ZDHHC15: variants seen among roughly 807,000 people sequenced by gnomAD.
ZDHHC15 encodes the protein zDHHC palmitoyltransferase 15.
A neutral mutation model predicts 31.7 loss-of-function variants in ZDHHC15; 19 were observed. That is an observed-to-expected ratio of 0.60 (90% CI 0.42 to 0.88). ZDHHC15 has a LOEUF of 0.88. Ranked by LOEUF, ZDHHC15 falls within the 40% of genes least tolerant of loss-of-function variation. The pLI, the probability that ZDHHC15 is intolerant of heterozygous loss-of-function variation, is 0.00. For synonymous variants in ZDHHC15, 103 were observed against 90.0 expected (o/e 1.14, Z -0.82); for missense variants, 209 against 251.2 (o/e 0.83, Z 1.14).
intron 2 of ZDHHC15, among the ~76,000 whole-genome samples, chrX:75,481,026 G>T (rs979449664): frequency 2.7e-5 from 3 of 111,391 alleles, no homozygotes; most frequent in African/African-American, 9.8e-5. Flanking sequence ...TGTTTAGCTG[G>T]CTACCCCCTG....
chrX:75,432,897 T>G (rs187973198), intron 4 of ZDHHC15, among the ~76,000 whole-genome samples: 1 of 111,114 alleles, frequency 9.0e-6, no homozygotes, highest in South Asian at 3.9e-4. Flanking sequence ...GGCGGGAGGA[T>G]TGCTAGAGCC....
chrX:75,503,761 C>T (rs144855602), intron 2 of ZDHHC15, among the ~76,000 whole-genome samples: 4 of 111,468 alleles, frequency 3.6e-5, no homozygotes, highest in African/African-American at 1.3e-4. Flanking sequence ...TAAATGACCA[C>T]AAGCTGGGTG....
At chrX:75,487,404 T>G (rs1344567022) in intron 2 of ZDHHC15, among the ~76,000 whole-genome samples, 1 of 111,691 alleles carries the variant, frequency 9.0e-6, no homozygotes, top group African/African-American at 3.3e-5. Context: ...GTAGCCCCAC[T>G]GGGAGGCTAG....
chrX:75,456,665 G>A (rs1056273722), intron 3 of ZDHHC15, among the ~76,000 whole-genome samples: 5 of 110,940 alleles, frequency 4.5e-5, no homozygotes, highest in East Asian at 2.8e-4. Context: ...TCTAGAATCA[G>A]AAATATCATT....
chrX:75,422,001 GC>G lies in ZDHHC15; in HGVS notation c.737-12del, dbSNP rs772642531. 6.7e-6 allele frequency: 8 copies of G among 1,190,261 alleles called. No individual in the cohort carries two copies. The highest frequency in any genetic ancestry group is 9.0e-6 in the Non-Finnish European group (8 of 887,464). ...GAGTGCAGAAGGCCTCTAAGGCAGG[GC>G]AGGAGAGTTGAAGAAAAGAGGAAGA... is the stretch of plus-strand genomic sequence containing the variant. On this transcript the variant is annotated splice_polypyrimidine_tract_variant and intron_variant, in intron 8 of 11. Transcript: ENST00000373367.
At position 75,414,011 on chromosome X, in the gene ZDHHC15, G is replaced by T. The variant is rs6647726; in HGVS notation, c.967+3076C>A. Among the ~76,000 whole-genome samples, 72 of 111,737 alleles carry T rather than the reference G, an allele frequency of 6.4e-4. No individual in the cohort carries two copies. In the East Asian group the frequency reaches 0.017, roughly 26 times the overall value. ...GATCCCAATTTGAATAGAGCAGAAA[G>T]AATTATACTGTAATCTTTAATTTTC... On this transcript the variant is annotated intron_variant, in intron 10 of 11. Transcript: ENST00000373367.
intron 7 of ZDHHC15, among the ~76,000 whole-genome samples, chrX:75,426,140 G>T (rs1364965449): frequency 1.8e-5 from 2 of 112,529 alleles, no homozygotes; most frequent in African/African-American, 6.4e-5. Context: ...TTATAGAAAA[G>T]ATTCCATACA....
chrX:75,498,422 T>C (rs1361421010), intron 2 of ZDHHC15, among the ~76,000 whole-genome samples: 1 of 111,863 alleles, frequency 8.9e-6, no homozygotes, highest in Non-Finnish European at 1.9e-5. Context: ...GCTCCAGATC[T>C]GGTCAATGAA....
chrX:75,477,803 T>A (rs1258725789), intron 3 of ZDHHC15, among the ~76,000 whole-genome samples: 1 of 112,109 alleles, frequency 8.9e-6, no homozygotes, highest in East Asian at 2.8e-4. Flanking sequence ...CAATTTTTTA[T>A]CCATTCTGCC....
At chrX:75,446,326 C>A (rs1483998509) in intron 4 of ZDHHC15, among the ~76,000 whole-genome samples, 1 of 111,030 alleles carries the variant, frequency 9.0e-6, no homozygotes, top group African/African-American at 3.3e-5. Flanking sequence ...AAATGCTGGA[C>A]CTGCCTTGGT....
chrX:75,425,847 T>C (rs1407982535), intron 7 of ZDHHC15, among the ~76,000 whole-genome samples: 1 of 111,545 alleles, frequency 9.0e-6, no homozygotes, highest in Non-Finnish European at 1.9e-5. Flanking sequence ...ATAATATTTT[T>C]ATTCATTTTT....
Position 75,395,003 on chromosome X carries a change from T to C in ZDHHC15, c.968-15805A>G, listed in dbSNP as rs2083284810. On this transcript the variant is annotated intron_variant, in intron 10 of 11. Transcript: ENST00000373367. ...TAAAAAAATTTAACAAGTGAAATAATATCAAATCCCTTATATGACCACAGT... is the reference window on the plus strand; with the variant it reads ...TAAAAAAATTTAACAAGTGAAATAACATCAAATCCCTTATATGACCACAGT... 4.5e-5 allele frequency among the ~76,000 whole-genome samples: 5 copies of C among 112,347 alleles called. No individual in the cohort carries two copies. The South Asian group carries it at 1.8e-3, about 42-fold the overall frequency.
In ZDHHC15 at chrX:75,384,931, T is replaced by C. The variant is rs1602544715; in HGVS notation, c.968-5733A>G. On this transcript the variant is annotated intron_variant, in intron 10 of 11. Coordinates refer to ENST00000373367, the MANE Select transcript of ZDHHC15 (RefSeq NM_144969.3). ...CTTCCATCATTGGCACTATCTACTA[T>C]CGCCAATATGCATGGAAATACATAA... The C allele has an allele frequency of 1.1e-5, 5 of 449,198 alleles. No homozygotes were observed. The East Asian group carries it at 1.5e-4, about 14-fold the overall frequency. The allele number at this position is 449,198 out of a possible 1,213,427, so 37.0% of individuals were successfully genotyped here. A position where few individuals can be genotyped will look rare whatever the true frequency, so the allele number is the denominator to read the frequency against.
rs1026952604 is a variant in ZDHHC15 at position 75,373,679 on chromosome X, T to A, written c.*33-734A>T. Among the ~76,000 whole-genome samples, 11 of 111,155 alleles carry A rather than the reference T, an allele frequency of 9.9e-5. 1 individual carries two copies. Among genetic ancestry groups the A allele is most frequent in the East Asian group, 8.3e-4 (3 of 3,593 alleles). Reference sequence around the variant, plus strand: ...ATCTTATTAAATTTATTTTTATTTTTAATTTTTATGGGTACATAGTAGGTA... The same window carrying A: ...ATCTTATTAAATTTATTTTTATTTTAAATTTTTATGGGTACATAGTAGGTA... On this transcript the variant is annotated intron_variant, in intron 11 of 11. Coordinates refer to ENST00000373367, the MANE Select transcript of ZDHHC15 (RefSeq NM_144969.3).
At chrX:75,508,401 T>C (rs942023986) in intron 1 of ZDHHC15, among the ~76,000 whole-genome samples, 2 of 102,653 alleles carry the variant, frequency 1.9e-5, no homozygotes, top group East Asian at 6.5e-4. Context: ...CAGTGTTTGG[T>C]TTTTTTTGTC....
chrX:75,504,031 T>C (rs1347260182), intron 2 of ZDHHC15, among the ~76,000 whole-genome samples: 1 of 111,321 alleles, frequency 9.0e-6, no homozygotes, highest in Admixed American at 9.7e-5. Context: ...CATATAAGGA[T>C]ACCAATGACT....
intron 9 of ZDHHC15, among the ~76,000 whole-genome samples, chrX:75,418,822 A>C (rs1315416170): frequency 8.9e-6 from 1 of 112,495 alleles, no homozygotes; most frequent in Admixed American, 9.4e-5. Context: ...TGGATTAAAG[A>C]TTTAAATGTA....
At position 75,397,949 on chromosome X, in the gene ZDHHC15, A is replaced by G. The variant is rs775072968; in HGVS notation, c.968-18751T>C. Among the ~76,000 whole-genome samples the G allele has an allele frequency of 3.6e-5, 4 of 112,179 alleles. No homozygotes were observed. In the South Asian group the frequency reaches 1.5e-3, roughly 42 times the overall value. ...GAGTTACATGGAGTCTTGGCAGAGC[A>G]GCCGCTCAGGCATGTGTGGAGACAC... On this transcript the variant is annotated intron_variant, in intron 10 of 11. Transcript: ENST00000373367.
intron 2 of ZDHHC15, among the ~76,000 whole-genome samples, chrX:75,486,523 G>A (rs771176488): frequency 8.9e-6 from 1 of 112,637 alleles, no homozygotes; most frequent in Non-Finnish European, 1.9e-5. Context: ...CAGGTGGGCA[G>A]GCAGGCAAGG....
Sources: gnomAD v4.1 joint callset for allele counts (sites outside exome capture counted in the v4.1 genomes callset) on GRCh38, gnomAD v4.1.1 for gene constraint, MANE v1.5 for transcripts, NCBI Gene and HGNC (gene_info 2026-07-23, HGNC 2026-07-21) for gene names.